IFT88: variants seen among roughly 807,000 people sequenced by gnomAD.
The protein encoded by IFT88 is intraflagellar transport protein 88 homolog.
Under a neutral mutation model 119.5 loss-of-function variants are expected in IFT88, and 74 were observed. The ratio of observed to expected loss-of-function variants is 0.62; its 90% CI spans 0.51 to 0.75. The LOEUF is 0.75. Ranked by LOEUF, IFT88 falls within the 30% of genes least tolerant of loss-of-function variation. The pLI is 0.00. For missense variants in IFT88, 961 were observed against 977.7 expected (o/e 0.98, Z 0.23); for synonymous variants, 279 against 316.7 (o/e 0.88, Z 1.26).
intron 9 of IFT88, among the ~76,000 whole-genome samples, chr13:20,597,617 G>A (rs548877583): frequency 2.4e-4 from 36 of 151,870 alleles, no homozygotes; most frequent in South Asian, 1.0e-3. Flanking sequence ...GGTGGCGGGC[G>A]CCTGTAGTCC....
At chr13:20,679,475 G>T (rs141977133) in intron 24 of IFT88, among the ~76,000 whole-genome samples, 1 of 152,178 alleles carries the variant, frequency 6.6e-6, no homozygotes, top group Admixed American at 6.5e-5. Flanking sequence ...AATAATATGC[G>T]CAGAAGGAGA....
chr13:20,569,159 A>C (rs2035658145), intron 1 of IFT88, among the ~76,000 whole-genome samples: 1 of 152,240 alleles, frequency 6.6e-6, no homozygotes, highest in Non-Finnish European at 1.5e-5. Context: ...ATAAGAGCTA[A>C]AACTGTTAGA....
rs1478840420 is a variant in IFT88, at chr13:20,653,894, G to C, written c.1968G>C (p.Trp656Cys). Reference protein sequence around the residue: ...ASLIQPTQVKWQLMVASCFRR... With the variant: ...ASLIQPTQVKCQLMVASCFRR... ...TTTATAGGCCTACACAAGTGAAATG[G>C]CAGCTGATGGTAGCTAGTTGTTTCA... Residue 656 changes from tryptophan (W) to cysteine (C), a missense_variant, in exon 21 of 26, where the codon TGG becomes TGC. Physicochemically the swap from Trp to Cys is radical, Grantham distance 215. Coordinates refer to ENST00000351808, the MANE Select transcript of IFT88 (RefSeq NM_006531.5). 6.3e-7 allele frequency: 1 copy of C among 1,582,088 alleles called. No individual in the cohort carries two copies. The highest frequency in any genetic ancestry group is 8.6e-7 in the Non-Finnish European group (1 of 1,163,344).
At chr13:20,628,374 A>C (rs1232789758) in intron 15 of IFT88, among the ~76,000 whole-genome samples, 2 of 152,250 alleles carry the variant, frequency 1.3e-5, no homozygotes, top group Non-Finnish European at 2.9e-5. Flanking sequence ...GCCAGGAGCT[A>C]GATGGCATCA....
At chr13:20,631,205 A>G in intron 16 of IFT88, 103 bp downstream of exon 16, 1 of 775,908 alleles carries the variant, frequency 1.3e-6, no homozygotes, top group Non-Finnish European at 2.3e-6. Flanking sequence ...ATATTGGTGG[A>G]GAATGGTAAG....
At chr13:20,617,329 T>G (rs888238032) in intron 14 of IFT88, among the ~76,000 whole-genome samples, 1 of 151,936 alleles carries the variant, frequency 6.6e-6, no homozygotes, top group Non-Finnish European at 1.5e-5. Flanking sequence ...AGCAGGGTGA[T>G]TTTTAGTCGG....
chr13:20,683,608 G>A (rs1156945325), intron 24 of IFT88, among the ~76,000 whole-genome samples: 1 of 152,126 alleles, frequency 6.6e-6, no homozygotes, highest in Non-Finnish European at 1.5e-5. Context: ...GGGTTGAATT[G>A]GCCATGCGGA....
In IFT88 at chr13:20,576,715, T is replaced by C. The variant is rs950892934; in HGVS notation, c.90+2240T>C. On this transcript the variant is annotated intron_variant, in intron 2 of 25. Transcript: ENST00000351808. Reference sequence around the variant, plus strand: ...TTTGTTTCTGGGTTCTCTATTCTGTTCCATTAGTCTGTCTGTTTTTATGCC... The same window carrying C: ...TTTGTTTCTGGGTTCTCTATTCTGTCCCATTAGTCTGTCTGTTTTTATGCC... 3.3e-5 allele frequency among the ~76,000 whole-genome samples: 5 copies of C among 152,184 alleles called. No individual in the cohort carries two copies. In the East Asian group the frequency reaches 5.8e-4, roughly 18 times the overall value.
At chr13:20,582,005 C>T (rs1347887333) in intron 2 of IFT88, among the ~76,000 whole-genome samples, 2 of 151,634 alleles carry the variant, frequency 1.3e-5, no homozygotes, top group Non-Finnish European at 2.9e-5. Flanking sequence ...TTGATAGTGA[C>T]TTTATTTTTT....
intron 1 of IFT88, among the ~76,000 whole-genome samples, chr13:20,569,099 T>C (rs1237066203): frequency 6.6e-6 from 1 of 152,088 alleles, no homozygotes; most frequent in Non-Finnish European, 1.5e-5. Context: ...TTAATTTTCA[T>C]CTTCAAAAAG....
At chr13:20,640,081 CGCCTGGCCAAAT>C (rs952821718) in intron 17 of IFT88, among the ~76,000 whole-genome samples, 18 of 152,024 alleles carry the variant, frequency 1.2e-4, no homozygotes, top group African/African-American at 4.3e-4. Context: ...TGGGCCACCA[CGCCTGGCCAAAT>C]TTGTCTTTTT....
chr13:20,591,938 A>T (rs1364181964), intron 6 of IFT88, among the ~76,000 whole-genome samples: 3 of 152,214 alleles, frequency 2.0e-5, no homozygotes, highest in Non-Finnish European at 2.9e-5. Flanking sequence ...ATGATAATTT[A>T]AAAATAAAAT....
At chr13:20,587,046 CTG>C in intron 3 of IFT88, among the ~76,000 whole-genome samples, 1 of 152,146 alleles carries the variant, frequency 6.6e-6, no homozygotes, top group African/African-American at 2.4e-5. Flanking sequence ...CTAGTTATCT[CTG>C]TGTTACTGAT....
intron 16 of IFT88, among the ~76,000 whole-genome samples, chr13:20,637,968 T>C (rs1322010823): frequency 2.0e-5 from 3 of 152,156 alleles, no homozygotes; most frequent in African/African-American, 7.2e-5. Flanking sequence ...ACGCAGCCAG[T>C]GTGCTAGGGG....
chr13:20,581,937 A>G (rs978060127), intron 2 of IFT88, among the ~76,000 whole-genome samples: 1 of 152,112 alleles, frequency 6.6e-6, no homozygotes, highest in African/African-American at 2.4e-5. Context: ...GCACTGTATT[A>G]GCATCCTGGT....
At position 20,578,034 on chromosome 13, in the gene IFT88, C is replaced by T. The variant is rs867895972; in HGVS notation, c.90+3559C>T. Among the ~76,000 whole-genome samples, 506 of 55,814 alleles carry T rather than the reference C, an allele frequency of 9.1e-3. 9 individuals are homozygous for T. The highest frequency in any genetic ancestry group is 0.031 in the African/African-American group (481 of 15,392). The allele number at this position is 55,814 out of a possible 152,430, so 36.6% of individuals were successfully genotyped here. A position where few individuals can be genotyped will look rare whatever the true frequency, so the allele number is the denominator to read the frequency against. On this transcript the variant is annotated intron_variant, in intron 2 of 25. Transcript: ENST00000351808. ...TATTGTGGCTTCAGTCTTGTTACTT[C>T]TTTTTTTTTTTTTTTTTTTTTTTTT...
intron 23 of IFT88, among the ~76,000 whole-genome samples, chr13:20,668,656 C>T (rs1317921307): frequency 1.2e-4 from 18 of 152,208 alleles, no homozygotes; most frequent in East Asian, 5.8e-4. Flanking sequence ...AAAGACAAAC[C>T]GGTAGAGTCG....
intron 17 of IFT88, 43 bp downstream of exon 17, chr13:20,638,561 G>C (rs773639463): frequency 2.3e-6 from 3 of 1,303,930 alleles, no homozygotes; most frequent in African/African-American, 1.5e-5. Flanking sequence ...TTATTTATTT[G>C]CTTTGTATTT....
At position 20,572,047 on chromosome 13, in the gene IFT88, G is replaced by A. The variant is rs573352555; in HGVS notation, c.-6-2333G>A. Among the ~76,000 whole-genome samples the A allele has an allele frequency of 6.8e-4, 101 of 148,188 alleles. 3 individuals carry two copies. The South Asian group carries it at 0.011, about 17-fold the overall frequency. Reference sequence around the variant, plus strand: ...ATTTTGCTTTGATATCTTTTTTTCTGTCTTGCATTTTTTCCCTCAACATTT... The same window carrying A: ...ATTTTGCTTTGATATCTTTTTTTCTATCTTGCATTTTTTCCCTCAACATTT... On this transcript the variant is annotated intron_variant, in intron 1 of 25. Coordinates refer to ENST00000351808, the MANE Select transcript of IFT88 (RefSeq NM_006531.5).
Sources: allele counts gnomAD v4.1 joint callset (sites outside exome capture counted in the v4.1 genomes callset), GRCh38; gene constraint gnomAD v4.1.1; transcripts MANE v1.5; gene names NCBI Gene and HGNC (gene_info 2026-07-23, HGNC 2026-07-21).